The following EYA4 variants were observed in gnomAD, a reference collection of about 807,000 sequenced individuals.
EYA4 encodes the protein EYA transcriptional coactivator and phosphatase 4.
Under a neutral mutation model 87.9 loss-of-function variants are expected in EYA4, and 31 were observed. The ratio of observed to expected loss-of-function variants is 0.35; its 90% confidence interval spans 0.27 to 0.48. The LOEUF is 0.48. Ranked by LOEUF, EYA4 falls within the 20% of genes least tolerant of loss-of-function variation. The pLI, the probability that EYA4 is intolerant of heterozygous loss-of-function variation, is 0.99. For missense variants in EYA4, 678 were observed against 761.4 expected (o/e 0.89, Z 1.29); for synonymous variants, 263 against 270.6 (o/e 0.97, Z 0.28).
intron 2 of EYA4, among the ~76,000 whole-genome samples, chr6:133,330,813 A>G (rs1781881155): frequency 6.6e-6 from 1 of 151,942 alleles, no homozygotes; most frequent in African/African-American, 2.4e-5. Flanking sequence ...ATGTTGCTAT[A>G]TCAGGATATG....
At chr6:133,323,396 G>C (rs62428662) in intron 2 of EYA4, among the ~76,000 whole-genome samples, 66,555 of 151,918 alleles carry the variant, frequency 0.44, 15,274 homozygotes, top group Non-Finnish European at 0.52. Context: ...TTCAACAGAA[G>C]TGTGAAAAGT....
intron 14 of EYA4, among the ~76,000 whole-genome samples, chr6:133,509,628 C>A (rs1798965796): frequency 6.6e-6 from 1 of 152,130 alleles, no homozygotes; most frequent in African/African-American, 2.4e-5. Context: ...AGTGCTATTT[C>A]GGTTAGAATA....
intron 3 of EYA4, among the ~76,000 whole-genome samples, chr6:133,396,734 G>T (rs879620716): frequency 5.9e-5 from 9 of 152,108 alleles, no homozygotes; most frequent in Non-Finnish European, 1.3e-4. Context: ...GTGTGTATAT[G>T]TGCATGCATG....
intron 2 of EYA4, among the ~76,000 whole-genome samples, chr6:133,347,716 G>A (rs948369842): frequency 6.6e-6 from 1 of 152,126 alleles, no homozygotes; most frequent in African/African-American, 2.4e-5. Context: ...CTATTTTAGA[G>A]ATGATAAAAC....
At chr6:133,337,669 A>T (rs1015772430) in intron 2 of EYA4, among the ~76,000 whole-genome samples, 4 of 152,220 alleles carry the variant, frequency 2.6e-5, no homozygotes, top group Non-Finnish European at 4.4e-5. Flanking sequence ...TTTGATACAC[A>T]TCTCTAATTG....
At chr6:133,443,564 T>G (rs1037321151) in intron 3 of EYA4, among the ~76,000 whole-genome samples, 1 of 152,114 alleles carries the variant, frequency 6.6e-6, no homozygotes, top group African/African-American at 2.4e-5. Context: ...ACTTACCTTT[T>G]GTTTAATTTC....
chr6:133,441,815 C>T (rs1401281829), intron 3 of EYA4, among the ~76,000 whole-genome samples: 3 of 151,752 alleles, frequency 2.0e-5, no homozygotes, highest in Non-Finnish European at 2.9e-5. Context: ...CAGGGTGGAA[C>T]AGGTAATTGA....
intron 3 of EYA4, among the ~76,000 whole-genome samples, chr6:133,398,234 T>C (rs1430141273): frequency 6.6e-6 from 1 of 152,234 alleles, no homozygotes; most frequent in African/African-American, 2.4e-5. Context: ...CAAACTGGTT[T>C]TGCAAACCAT....
chr6:133,530,164 C>T lies in EYA4; in HGVS notation c.*1359C>T, dbSNP rs1030027447. On this transcript the variant is annotated 3_prime_UTR_variant, in exon 20 of 20. Coordinates refer to ENST00000355286, the MANE Select transcript of EYA4 (RefSeq NM_004100.5). ...AATTAGCAAGTGCGCTGGATCTTGG[C>T]AGCGCTGCTGAAATGACAACAGTAA... 1.1e-5 allele frequency: 11 copies of T among 985,178 alleles called. No individual in the cohort carries two copies. In the African/African-American group the frequency reaches 1.7e-4, roughly 16 times the overall value. The allele number at this position is 985,178 out of a possible 1,614,324, so 61.0% of individuals were successfully genotyped here.
intron 11 of EYA4, among the ~76,000 whole-genome samples, chr6:133,475,607 T>C (rs1217778195): frequency 6.6e-6 from 1 of 152,098 alleles, no homozygotes; most frequent in Non-Finnish European, 1.5e-5. Flanking sequence ...ACTCATCTAA[T>C]GGAAACTAAC....
chr6:133,457,167 A>G (rs1793982419), intron 6 of EYA4, among the ~76,000 whole-genome samples: 1 of 152,182 alleles, frequency 6.6e-6, no homozygotes, highest in Non-Finnish European at 1.5e-5. Context: ...GTTGCATTAG[A>G]ACCCAGCCTC....
At chr6:133,400,381 G>A (rs1247033802) in intron 3 of EYA4, among the ~76,000 whole-genome samples, 2 of 151,938 alleles carry the variant, frequency 1.3e-5, no homozygotes, top group Non-Finnish European at 2.9e-5. Context: ...GGTGGCGCAC[G>A]CCTGTAATCC....
intron 5 of EYA4, among the ~76,000 whole-genome samples, chr6:133,450,979 T>G (rs1793383383): frequency 6.6e-6 from 1 of 152,252 alleles, no homozygotes; most frequent in Non-Finnish European, 1.5e-5. Context: ...ACATAGATTT[T>G]CCTTTGAAAT....
At chr6:133,245,618 T>C (rs940074527) in intron 1 of EYA4, among the ~76,000 whole-genome samples, 10 of 152,228 alleles carry the variant, frequency 6.6e-5, no homozygotes, top group African/African-American at 2.4e-4. Flanking sequence ...TGACATGCTG[T>C]TTCAGGCATT....
chr6:133,423,285 G>T (rs1790378424), intron 3 of EYA4, among the ~76,000 whole-genome samples: 1 of 152,110 alleles, frequency 6.6e-6, no homozygotes, highest in Non-Finnish European at 1.5e-5. Context: ...ACTTTAAAAT[G>T]GCACCTATTA....
At chr6:133,463,775 A>G (rs185326707) in intron 9 of EYA4, among the ~76,000 whole-genome samples, 2 of 152,298 alleles carry the variant, frequency 1.3e-5, no homozygotes, top group African/African-American at 4.8e-5. Context: ...ATTTGGGGCT[A>G]TATTAACATA....
chr6:133,363,014 A>G (rs1369792427), intron 2 of EYA4, among the ~76,000 whole-genome samples: 1 of 152,218 alleles, frequency 6.6e-6, no homozygotes, highest in Non-Finnish European at 1.5e-5. Context: ...TTAAGGAAAT[A>G]TTAACTGGCC....
intron 3 of EYA4, among the ~76,000 whole-genome samples, chr6:133,391,955 G>C (rs1354166047): frequency 6.6e-6 from 1 of 152,086 alleles, no homozygotes; most frequent in Non-Finnish European, 1.5e-5. Flanking sequence ...TTCCTAATTA[G>C]AGACAACTCA....
At chr6:133,279,546 G>A (rs918170805) in intron 2 of EYA4, among the ~76,000 whole-genome samples, 1 of 151,850 alleles carries the variant, frequency 6.6e-6, no homozygotes, top group Non-Finnish European at 1.5e-5. Context: ...TAATACTTTT[G>A]GAAATTTGTT....
Sources: allele counts gnomAD v4.1 joint callset (sites outside exome capture counted in the v4.1 genomes callset), GRCh38; gene constraint gnomAD v4.1.1; transcripts MANE v1.5; gene names NCBI Gene and HGNC (gene_info 2026-07-23, HGNC 2026-07-21).